Variants in DIS3L2 observed in about 807,000 individuals in gnomAD.
DIS3L2 encodes the protein DIS3 like 3'-5' exoribonuclease 2.
In DIS3L2, 34 loss-of-function variants were observed where a neutral mutation model predicts 97.5. The ratio of observed to expected loss-of-function variants is 0.35; its 90% CI spans 0.27 to 0.46. The LOEUF (loss-of-function observed/expected upper bound fraction) is 0.46. Ranked by LOEUF, DIS3L2 falls within the 20% of genes least tolerant of loss-of-function variation. The pLI is 1.00. For synonymous variants in DIS3L2, 435 were observed against 445.2 expected (o/e 0.98, Z 0.29); for missense variants, 1,038 against 1,146.0 (o/e 0.91, Z 1.36).
intron 14 of DIS3L2, among the ~76,000 whole-genome samples, chr2:232,327,315 G>A (rs1393243626): frequency 8.5e-5 from 13 of 152,188 alleles, no homozygotes; most frequent in Admixed American, 6.5e-4. Flanking sequence ...GCCCAGGGTC[G>A]GGCCTAAGGC....
chr2:232,097,632 C>T (rs1371815448), intron 6 of DIS3L2, among the ~76,000 whole-genome samples: 1 of 152,084 alleles, frequency 6.6e-6, no homozygotes, highest in African/African-American at 2.4e-5. Flanking sequence ...TGGGACTTAC[C>T]CTTCAAAGTG....
chr2:231,964,174 A>G (rs1049944566), intron 1 of DIS3L2, among the ~76,000 whole-genome samples: 2 of 152,154 alleles, frequency 1.3e-5, no homozygotes, highest in African/African-American at 2.4e-5. Flanking sequence ...TGAAGATCAT[A>G]TGGTTGTAGG....
At chr2:232,299,726 G>A (rs1385820894) in intron 13 of DIS3L2, among the ~76,000 whole-genome samples, 3 of 152,194 alleles carry the variant, frequency 2.0e-5, no homozygotes, top group Admixed American at 6.5e-5. Flanking sequence ...TCTGCTAGAC[G>A]GTAAGACCCA....
chr2:232,172,651 G>T (rs766120598), intron 9 of DIS3L2: 1 of 530,474 alleles, frequency 1.9e-6, no homozygotes, highest in Non-Finnish European at 3.9e-6. Context: ...TATACACCTA[G>T]GAGTGAAATT....
chr2:232,158,306 C>CATGTGTGT (rs368545845), intron 8 of DIS3L2, among the ~76,000 whole-genome samples: 1,925 of 150,574 alleles, frequency 0.013, 37 homozygotes, highest in African/African-American at 0.036. Context: ...TCCTTTATAT[C>CATGTGTGT]GTGTGTGTGT....
chr2:232,197,020 C>T (rs1249595739), intron 9 of DIS3L2, among the ~76,000 whole-genome samples: 1 of 152,054 alleles, frequency 6.6e-6, no homozygotes, highest in Non-Finnish European at 1.5e-5. Flanking sequence ...CTTGCATTTG[C>T]ATTTTAGCCT....
chr2:232,197,739 C>T (rs1304638840), intron 9 of DIS3L2, among the ~76,000 whole-genome samples: 1 of 152,012 alleles, frequency 6.6e-6, no homozygotes, highest in African/African-American at 2.4e-5. Flanking sequence ...GAGGCTGAGG[C>T]AGGCAGATTA....
intron 9 of DIS3L2, among the ~76,000 whole-genome samples, chr2:232,183,183 T>C (rs942025606): frequency 6.6e-6 from 1 of 152,234 alleles, no homozygotes; most frequent in Non-Finnish European, 1.5e-5. Flanking sequence ...TCTGCTAGTT[T>C]CTTGATCTTG....
chr2:232,311,209 C>T (rs998582338), intron 14 of DIS3L2, among the ~76,000 whole-genome samples: 2 of 152,240 alleles, frequency 1.3e-5, no homozygotes, highest in Non-Finnish European at 2.9e-5. Flanking sequence ...CAGTCACATA[C>T]ATCAGTGTAC....
intron 10 of DIS3L2, 93 bp downstream of exon 10, chr2:232,210,498 C>A: frequency 8.6e-7 from 1 of 1,161,620 alleles, no homozygotes; most frequent in South Asian, 1.2e-5. Context: ...AGGCAGCATA[C>A]TGTGCAAGGC....
At chr2:232,247,504 G>A (rs138850721) in intron 11 of DIS3L2, among the ~76,000 whole-genome samples, 477 of 151,448 alleles carry the variant, frequency 3.1e-3, no homozygotes, top group African/African-American at 0.011. Flanking sequence ...GTCACCAGTC[G>A]TATTTGACCA....
At chr2:232,250,971 C>T (rs1042626843) in intron 12 of DIS3L2, among the ~76,000 whole-genome samples, 39 of 152,198 alleles carry the variant, frequency 2.6e-4, no homozygotes, top group African/African-American at 8.7e-4. Flanking sequence ...AAGCTTCACC[C>T]GCACAATCAG....
intron 9 of DIS3L2, among the ~76,000 whole-genome samples, chr2:232,208,057 T>C (rs928988501): frequency 2.6e-5 from 4 of 152,352 alleles, no homozygotes; most frequent in African/African-American, 9.6e-5. Flanking sequence ...CTCTTCTTGA[T>C]TTGAAAGTCA....
chr2:232,155,859 G>A (rs1018387256), intron 8 of DIS3L2, among the ~76,000 whole-genome samples: 6 of 151,834 alleles, frequency 4.0e-5, no homozygotes, highest in Admixed American at 6.6e-5. Context: ...GTGTTGTGGC[G>A]GGTGCCTGTA....
chr2:232,171,844 A>G (rs1022498419), intron 9 of DIS3L2, among the ~76,000 whole-genome samples: 1 of 152,222 alleles, frequency 6.6e-6, no homozygotes, highest in African/African-American at 2.4e-5. Context: ...ATTCATGTTG[A>G]TAAATAGCAC....
At chr2:232,253,330 C>T (rs1693468840) in intron 12 of DIS3L2, among the ~76,000 whole-genome samples, 1 of 152,202 alleles carries the variant, frequency 6.6e-6, no homozygotes, top group Non-Finnish European at 1.5e-5. Flanking sequence ...TAAATGTCAG[C>T]ACGTGGAAAG....
rs1187755615 is a variant in DIS3L2, at chr2:231,985,582, A to C, written c.-94+23817A>C. 5.9e-5 allele frequency among the ~76,000 whole-genome samples: 9 copies of C among 152,200 alleles called. No homozygotes were observed. The East Asian group carries it at 1.2e-3, about 20-fold the overall frequency. ...CTCTGGAATAAATGCTCATGAGTGCATACACCCTTTACTTAGACTCATCTG... is the reference window on the plus strand; with the variant it reads ...CTCTGGAATAAATGCTCATGAGTGCCTACACCCTTTACTTAGACTCATCTG... On this transcript the variant is annotated intron_variant, in intron 1 of 20. Transcript: ENST00000325385.
chr2:232,271,518 G>A (rs552335829), intron 13 of DIS3L2, among the ~76,000 whole-genome samples: 59 of 152,268 alleles, frequency 3.9e-4, no homozygotes, highest in Non-Finnish European at 7.9e-4. Flanking sequence ...AAACATTGAC[G>A]ACTTACTACT....
At position 232,325,578 on chromosome 2, in the gene DIS3L2, TG is replaced by T. The variant is rs1695548555; in HGVS notation, c.1740-4234del. Among the ~76,000 whole-genome samples, 1 of 152,110 alleles carries T rather than the reference TG, an allele frequency of 6.6e-6. No homozygotes were observed. The highest frequency in any genetic ancestry group is 2.4e-5 in the African/African-American group (1 of 41,438). On this transcript the variant is annotated intron_variant, in intron 14 of 20. Coordinates refer to ENST00000325385, the MANE Select transcript of DIS3L2 (RefSeq NM_152383.5). This position sits in a 1 kb window ranked among gnomAD's most constrained non-coding sequence, Gnocchi z 4.6. Reference sequence around the variant, plus strand: ...TGCCGAGGAGCTGGGGTCCTGGCCCTGCAGCCACTGTCACAGCACAGCCCCA... The same window carrying T: ...TGCCGAGGAGCTGGGGTCCTGGCCCTCAGCCACTGTCACAGCACAGCCCCA...
Sources: gnomAD v4.1 joint callset for allele counts (sites outside exome capture counted in the v4.1 genomes callset) on GRCh38, gnomAD v4.1.1 for gene constraint, Gnocchi (gnomAD v3.1) non-coding constraint, MANE v1.5 for transcripts, NCBI Gene and HGNC (gene_info 2026-07-23, HGNC 2026-07-21) for gene names.